Variants in GTF2IRD2 observed in about 807,000 individuals in gnomAD.
GTF2IRD2 encodes the protein GTF2I repeat domain containing 2, also known as general transcription factor II-I repeat domain-containing protein 2A.
Under a neutral mutation model 49.2 loss-of-function variants are expected in GTF2IRD2, and 8 were observed. The observed-to-expected ratio is 0.16, with a 90% CI of 0.10 to 0.29. The LOEUF is 0.29. Ranked by LOEUF, GTF2IRD2 falls within the 10% of genes least tolerant of loss-of-function variation. The pLI, the probability that GTF2IRD2 is intolerant of heterozygous loss-of-function variation, is 1.00. For missense variants in GTF2IRD2, 130 were observed against 725.7 expected, an observed-to-expected ratio of 0.18 and a Z score of 9.43; for synonymous variants, 47 against 289.7, an observed-to-expected ratio of 0.16 and a Z score of 8.51.
At chr7:74,813,805 C>T (rs1466287245) in intron 8 of GTF2IRD2, among the ~76,000 whole-genome samples, 1 of 137,914 alleles carries the variant, frequency 7.3e-6, no homozygotes, top group African/African-American at 2.5e-5. Context: ...GATCCACCCA[C>T]CCACCTTGGT....
At chr7:74,831,543 A>ACACCCC (rs1204677476) in intron 3 of GTF2IRD2, among the ~76,000 whole-genome samples, 1 of 140,806 alleles carries the variant, frequency 7.1e-6, no homozygotes, top group Non-Finnish European at 1.6e-5. Flanking sequence ...ACACACACAC[A>ACACCCC]CCCTTATACC....
At chr7:74,815,856 AAG>A (rs1491139343) in intron 8 of GTF2IRD2, among the ~76,000 whole-genome samples, 3 of 108,032 alleles carry the variant, frequency 2.8e-5, no homozygotes, top group Admixed American at 9.5e-5. Flanking sequence ...GAAAGAAAGA[AAG>A]AAAGAAAGAG....
intron 1 of GTF2IRD2, among the ~76,000 whole-genome samples, chr7:74,844,360 T>TATTTA (rs1435505739): frequency 1.4e-3 from 18 of 13,214 alleles, no homozygotes; most frequent in South Asian, 4.5e-3. Flanking sequence ...ATTATGTTTT[T>TATTTA]TTTATTTATT....
At chr7:74,836,574 GTTTTA>G (rs1800356000) in intron 1 of GTF2IRD2, among the ~76,000 whole-genome samples, 191 bp from the exon 2 acceptor site, 1 of 150,874 alleles carries the variant, frequency 6.6e-6, no homozygotes, top group African/African-American at 2.5e-5. Context: ...ATTTTATTTT[GTTTTA>G]TTTTGAGACA....
At chr7:74,831,498 T>C (rs1799854219) in intron 3 of GTF2IRD2, among the ~76,000 whole-genome samples, 1 of 131,548 alleles carries the variant, frequency 7.6e-6, no homozygotes, top group African/African-American at 3.3e-5. Flanking sequence ...CCCCTCTCTC[T>C]GTACATACAC....
intron 1 of GTF2IRD2, among the ~76,000 whole-genome samples, chr7:74,840,981 G>A (rs1422613442): frequency 3.2e-5 from 2 of 63,252 alleles, no homozygotes; most frequent in Non-Finnish European, 5.4e-5. Context: ...CCGAGTAGCC[G>A]GGATTGTAGG....
intron 3 of GTF2IRD2, among the ~76,000 whole-genome samples, chr7:74,829,874 C>T (rs377107554): frequency 2.3e-5 from 3 of 130,814 alleles, no homozygotes; most frequent in East Asian, 2.1e-4. Context: ...GGCGATAGAG[C>T]GAGATTCTGT....
At chr7:74,824,141 G>A (rs587671515) in intron 4 of GTF2IRD2, among the ~76,000 whole-genome samples, 44 of 133,098 alleles carry the variant, frequency 3.3e-4, no homozygotes, top group African/African-American at 9.4e-4. Context: ...ACTCCAGCCC[G>A]GGCAACAGAG....
intron 1 of GTF2IRD2, among the ~76,000 whole-genome samples, chr7:74,846,777 C>T (rs1801337258): frequency 1.8e-5 from 1 of 56,882 alleles, no homozygotes; most frequent in African/African-American, 5.3e-5. Context: ...GGTATCATCA[C>T]AGCTTACCAT....
chr7:74,822,896 A>T lies in GTF2IRD2; in HGVS notation c.359-89T>A, dbSNP rs587717856. On this transcript the variant is annotated intron_variant, in intron 4 of 15. Coordinates refer to ENST00000451013, the MANE Select transcript of GTF2IRD2 (RefSeq NM_173537.5). Reference sequence around the variant, plus strand: ...TTGTTTTTTGTTTTTTGTTTTGTAGAAACAGAGTCTCGCTCTGCCACCCAG... The same window carrying T: ...TTGTTTTTTGTTTTTTGTTTTGTAGTAACAGAGTCTCGCTCTGCCACCCAG... The T allele has an allele frequency of 2.3e-5, 33 of 1,460,790 alleles. 1 individual carries two copies. The African/African-American group carries it at 4.8e-4, about 21-fold the overall frequency. 90.5% of individuals were successfully genotyped at this position (1,460,790 alleles called of 1,614,324 possible).
chr7:74,815,618 G>A (rs1480365610), intron 8 of GTF2IRD2, among the ~76,000 whole-genome samples: 25 of 89,784 alleles, frequency 2.8e-4, no homozygotes, highest in African/African-American at 7.7e-4. Context: ...CAGGTGTGAC[G>A]GCGTGCACCT....
intron 1 of GTF2IRD2, among the ~76,000 whole-genome samples, chr7:74,844,360 TTTTATTTATTTA>T (rs1194941580): frequency 0.036 from 472 of 13,148 alleles, 15 homozygotes; most frequent in African/African-American, 0.14. Flanking sequence ...ATTATGTTTT[TTTTATTTATTTA>T]TTTATTTATT....
At position 74,798,128 on chromosome 7, in the gene GTF2IRD2, G is replaced by C. The variant is rs1287627407; in HGVS notation, c.1384C>G (p.Leu462Val). 2 of 1,559,028 alleles carry C rather than the reference G, an allele frequency of 1.3e-6. No individual in the cohort carries two copies. Among genetic ancestry groups the C allele is most frequent in the African/African-American group, 2.9e-5 (2 of 70,016 alleles). The change falls in exon 16 of 16, where the codon CTA becomes GTA. Residue 462 changes from leucine to valine, a missense_variant. Coordinates refer to ENST00000451013, the MANE Select transcript of GTF2IRD2 (RefSeq NM_173537.5). Reference sequence around the variant, plus strand: ...TGATTGGTTTGATAGTGGCGTCTTAGGTTATATTCTTTGGACACAGACATG... The same window carrying C: ...TGATTGGTTTGATAGTGGCGTCTTACGTTATATTCTTTGGACACAGACATG... ...QSMSVSKEYN[L>V]RRHYQTNHSK...
Position 74,796,574 on chromosome 7 carries a change from A to G in GTF2IRD2, c.*88T>C, listed in dbSNP as rs1427130467. Reference sequence around the variant, plus strand: ...AAGACTCCATCTCAAAAAAGAAAAAAAAATTCATTTTGTCATCTCCCAATC... The same window carrying G: ...AAGACTCCATCTCAAAAAAGAAAAAGAAATTCATTTTGTCATCTCCCAATC... On this transcript the variant is annotated 3_prime_UTR_variant, in exon 16 of 16. Coordinates refer to ENST00000451013, the MANE Select transcript of GTF2IRD2 (RefSeq NM_173537.5). 2 of 743,726 alleles carry G rather than the reference A, an allele frequency of 2.7e-6. No individual in the cohort carries two copies. Among genetic ancestry groups the G allele is most frequent in the Non-Finnish European group, 4.9e-6 (2 of 405,968 alleles). 46.1% of individuals were successfully genotyped at this position (743,726 alleles called of 1,614,324 possible). A position where few individuals can be genotyped will look rare whatever the true frequency, so the allele number is the denominator to read the frequency against.
intron 3 of GTF2IRD2, among the ~76,000 whole-genome samples, chr7:74,826,307 T>C (rs1475459276): frequency 6.6e-6 from 1 of 151,412 alleles, no homozygotes; most frequent in African/African-American, 2.4e-5. Flanking sequence ...TCGCCTAGGC[T>C]GGAGTGCAGT....
At chr7:74,831,561 G>C (rs1185953942) in intron 3 of GTF2IRD2, among the ~76,000 whole-genome samples, 1 of 132,668 alleles carries the variant, frequency 7.5e-6, no homozygotes, top group African/African-American at 3.0e-5. Context: ...ACCCTCTGAC[G>C]AACCTTTCTG....
chr7:74,829,914 C>T (rs1301520640), intron 3 of GTF2IRD2, among the ~76,000 whole-genome samples: 3 of 136,084 alleles, frequency 2.2e-5, no homozygotes, highest in African/African-American at 9.4e-5. Context: ...TCATATGGAA[C>T]ACCAAGGGAC....
intron 12 of GTF2IRD2, among the ~76,000 whole-genome samples, chr7:74,805,284 G>A (rs1797678295): frequency 5.6e-5 from 1 of 17,994 alleles, no homozygotes; most frequent in Non-Finnish European, 8.6e-5. Context: ...ATGGTGGCAG[G>A]CGCCTGTAGT....
chr7:74,841,824 G>A (rs1279773891), intron 1 of GTF2IRD2, among the ~76,000 whole-genome samples: 1 of 142,152 alleles, frequency 7.0e-6, no homozygotes, highest in African/African-American at 2.8e-5. Flanking sequence ...TGATGAAAAT[G>A]TTCAAAAATT....
Sources: allele counts gnomAD v4.1 joint callset (sites outside exome capture counted in the v4.1 genomes callset), GRCh38; gene constraint gnomAD v4.1.1; transcripts MANE v1.5; gene names NCBI Gene and HGNC (gene_info 2026-07-23, HGNC 2026-07-21).